CHODL: variants seen among roughly 807,000 people sequenced by gnomAD.
CHODL encodes transmembrane protein MT75.
Under a neutral mutation model 34.5 loss-of-function variants are expected in CHODL, and 29 were observed. The observed-to-expected ratio is 0.84, with a 90% confidence interval of 0.63 to 1.15. The LOEUF (loss-of-function observed/expected upper bound fraction) is 1.15. CHODL is among the 50% of genes most tolerant of loss of function. The pLI is 0.00. For missense variants in CHODL, 332 were observed against 332.5 expected (o/e 1.00, Z 0.01); for synonymous variants, 125 against 116.1 (o/e 1.08, Z -0.49).
intron 1 of CHODL, among the ~76,000 whole-genome samples, chr21:17,943,720 C>A (rs1373181792): frequency 6.6e-6 from 1 of 152,132 alleles, no homozygotes; most frequent in East Asian, 1.9e-4. Flanking sequence ...TCACTCTGAC[C>A]ATGCTCTCTG....
intron 2 of CHODL, among the ~76,000 whole-genome samples, chr21:18,099,149 A>G (rs1232245432): frequency 3.3e-5 from 5 of 152,042 alleles, no homozygotes; most frequent in African/African-American, 9.7e-5. Context: ...GTTAGAAAGA[A>G]TGAATAAGAA....
At chr21:18,087,070 T>G (rs2065016520) in intron 2 of CHODL, among the ~76,000 whole-genome samples, 1 of 152,178 alleles carries the variant, frequency 6.6e-6, no homozygotes, top group Non-Finnish European at 1.5e-5. Flanking sequence ...CTAAGTGTGC[T>G]TATGAGAGCT....
chr21:18,052,370 G>A (rs921218339), intron 2 of CHODL, among the ~76,000 whole-genome samples: 4 of 151,912 alleles, frequency 2.6e-5, no homozygotes, highest in Non-Finnish European at 5.9e-5. Flanking sequence ...GCCACAGCTT[G>A]TTATTGGAAA....
At chr21:17,957,431 T>C (rs1484156152) in intron 1 of CHODL, among the ~76,000 whole-genome samples, 1 of 152,190 alleles carries the variant, frequency 6.6e-6, no homozygotes, top group African/African-American at 2.4e-5. Flanking sequence ...TCTTGCTTCC[T>C]TTGTATCTTC....
chr21:18,145,980 G>C (rs1568909556), intron 2 of CHODL, among the ~76,000 whole-genome samples: 1 of 151,458 alleles, frequency 6.6e-6, no homozygotes, highest in African/African-American at 2.4e-5. Context: ...TGTTGTTGTT[G>C]TTTTTTGAGA....
chr21:18,094,023 G>T (rs1292082100), intron 2 of CHODL, among the ~76,000 whole-genome samples: 1 of 151,488 alleles, frequency 6.6e-6, no homozygotes, highest in Non-Finnish European at 1.5e-5. Flanking sequence ...ATAAAGACAT[G>T]GAAAAAAGAT....
chr21:18,204,542 C>T (rs543012017), intron 2 of CHODL, among the ~76,000 whole-genome samples: 253 of 152,066 alleles, frequency 1.7e-3, no homozygotes, highest in Non-Finnish European at 2.6e-3. Flanking sequence ...TGCAGTTATC[C>T]GGGAAATAGG....
Position 18,245,256 on chromosome 21 carries a change from C to A in CHODL, c.33C>A (p.Ala11=), listed in dbSNP as rs1361436388. 1 of 1,524,262 alleles carries A rather than the reference C, an allele frequency of 6.6e-7. No homozygotes were observed. The highest frequency in any genetic ancestry group is 8.8e-7 in the Non-Finnish European group (1 of 1,142,690). The allele number at this position is 1,524,262 out of a possible 1,614,324, so 94.4% of individuals were successfully genotyped here. The change falls in exon 1 of 6, where the codon GCC becomes GCA. Residue 11 remains alanine, a synonymous_variant. Transcript: ENST00000299295. The part of the protein sequence containing the change: MSRVVSLLLG[A]ALLCGHGAFC... ...GCGTGGTCTCGCTGCTGCTGGGCGCCGCGCTGCTCTGCGGCCACGGAGCCT... is the reference window on the plus strand; with the variant it reads ...GCGTGGTCTCGCTGCTGCTGGGCGCAGCGCTGCTCTGCGGCCACGGAGCCT...
intron 2 of CHODL, among the ~76,000 whole-genome samples, chr21:18,072,151 A>G (rs2064813210): frequency 6.6e-6 from 1 of 152,140 alleles, no homozygotes; most frequent in South Asian, 2.1e-4. Flanking sequence ...AATAGTAAAC[A>G]TAAAAATATA....
intron 1 of CHODL, among the ~76,000 whole-genome samples, chr21:17,956,467 G>T (rs895136642): frequency 7.3e-6 from 1 of 136,516 alleles, no homozygotes; most frequent in African/African-American, 2.5e-5. Flanking sequence ...TTTCTTTATT[G>T]CAATGCAAGA....
At chr21:17,965,441 ATCC>A (rs911153793) in intron 1 of CHODL, among the ~76,000 whole-genome samples, 12 of 151,358 alleles carry the variant, frequency 7.9e-5, no homozygotes, top group African/African-American at 2.2e-4. Flanking sequence ...CATTCCTTCC[ATCC>A]TCCTCCTCCT....
intron 2 of CHODL, among the ~76,000 whole-genome samples, chr21:18,074,804 A>T (rs529174982): frequency 1.6e-4 from 24 of 152,304 alleles, no homozygotes; most frequent in African/African-American, 5.8e-4. Flanking sequence ...TTCAAAGTTT[A>T]GATTAAAAAT....
At chr21:18,079,770 C>T (rs758985228) in intron 2 of CHODL, among the ~76,000 whole-genome samples, 3 of 74,238 alleles carry the variant, frequency 4.0e-5, no homozygotes, top group Non-Finnish European at 1.5e-4. Context: ...ATGCTTATCA[C>T]AGTACTATTC....
intron 2 of CHODL, among the ~76,000 whole-genome samples, chr21:18,041,416 AC>A: frequency 6.6e-6 from 1 of 152,016 alleles, no homozygotes; most frequent in South Asian, 2.1e-4. Flanking sequence ...TTAAAGCAAA[AC>A]ATTCAACAAA....
chr21:17,928,632 A>G (rs1002665604), intron 1 of CHODL, among the ~76,000 whole-genome samples: 4 of 152,230 alleles, frequency 2.6e-5, no homozygotes, highest in African/African-American at 9.6e-5. Context: ...AATCTAAAAA[A>G]AAAGATGAAT....
intron 2 of CHODL, among the ~76,000 whole-genome samples, chr21:18,201,721 A>C (rs530365536): frequency 6.6e-6 from 1 of 152,246 alleles, no homozygotes; most frequent in South Asian, 2.1e-4. Context: ...GTGTCCTGAA[A>C]GAATTTGAGT....
At chr21:18,101,660 G>A (rs912150067) in intron 2 of CHODL, among the ~76,000 whole-genome samples, 2 of 151,592 alleles carry the variant, frequency 1.3e-5, no homozygotes, top group South Asian at 2.1e-4. Context: ...AGAAAGGTAA[G>A]TGTTGAAGCC....
intron 2 of CHODL, among the ~76,000 whole-genome samples, chr21:18,082,645 G>A (rs2064956219): frequency 6.6e-6 from 1 of 152,196 alleles, no homozygotes; most frequent in African/African-American, 2.4e-5. Flanking sequence ...GAGAACTGTA[G>A]TAAAGGTCAC....
At chr21:18,185,254 T>C (rs879132988) in intron 2 of CHODL, among the ~76,000 whole-genome samples, 1 of 152,182 alleles carries the variant, frequency 6.6e-6, no homozygotes, top group Non-Finnish European at 1.5e-5. Context: ...CTCCCACTTA[T>C]GAGTGACAAC....
Sources: gnomAD v4.1 joint callset for allele counts (sites outside exome capture counted in the v4.1 genomes callset) on GRCh38, gnomAD v4.1.1 for gene constraint, MANE v1.5 for transcripts, NCBI Gene and HGNC (gene_info 2026-07-23, HGNC 2026-07-21) for gene names.